Variants in FMNL2 observed in about 807,000 individuals in gnomAD.
FMNL2 encodes the protein formin like 2.
Under a neutral mutation model 130.2 loss-of-function variants are expected in FMNL2, and 51 were observed. The ratio of observed to expected loss-of-function variants is 0.39; its 90% CI spans 0.31 to 0.49. FMNL2 has a LOEUF of 0.49. FMNL2 is among the 20% of genes least tolerant of loss of function. FMNL2 has a pLI of 0.85. For synonymous variants in FMNL2, 465 were observed against 467.1 expected (o/e 1.00, Z 0.06); for missense variants, 977 against 1,316.2 (o/e 0.74, Z 3.99).
chr2:152,386,113 A>G (rs542521359), intron 1 of FMNL2, among the ~76,000 whole-genome samples: 2 of 152,300 alleles, frequency 1.3e-5, no homozygotes, highest in East Asian at 3.9e-4. Context: ...AAGATAGGTT[A>G]GTTTTGGGCA....
chr2:152,534,099 GT>G (rs1693857536), intron 2 of FMNL2, among the ~76,000 whole-genome samples: 1 of 152,184 alleles, frequency 6.6e-6, no homozygotes, highest in Non-Finnish European at 1.5e-5. Context: ...TGGTTCTTAT[GT>G]TTAAATCTGT....
At chr2:152,589,421 T>G (rs1175758338) in intron 9 of FMNL2, among the ~76,000 whole-genome samples, 2 of 152,182 alleles carry the variant, frequency 1.3e-5, no homozygotes, top group Non-Finnish European at 2.9e-5. Context: ...CTTTGCCAAC[T>G]ATAAAAGTTG....
intron 3 of FMNL2, among the ~76,000 whole-genome samples, chr2:152,543,938 G>T (rs1694473385): frequency 6.6e-6 from 1 of 152,064 alleles, no homozygotes; most frequent in South Asian, 2.1e-4. Flanking sequence ...GAACGTACCT[G>T]TCAAAGTATC....
intron 3 of FMNL2, among the ~76,000 whole-genome samples, chr2:152,547,509 A>G (rs1281643362): frequency 6.6e-6 from 1 of 152,090 alleles, no homozygotes; most frequent in Non-Finnish European, 1.5e-5. Flanking sequence ...GAACTGTGAG[A>G]CCATCTGCTT....
intron 1 of FMNL2, among the ~76,000 whole-genome samples, chr2:152,366,371 T>C (rs1355763315): frequency 6.6e-6 from 1 of 151,826 alleles, no homozygotes; most frequent in Non-Finnish European, 1.5e-5. Flanking sequence ...CACAGCAACA[T>C]GGCACATGTA....
chr2:152,627,187 C>T (rs1681850911), intron 17 of FMNL2, among the ~76,000 whole-genome samples: 1 of 152,184 alleles, frequency 6.6e-6, no homozygotes, highest in Non-Finnish European at 1.5e-5. Context: ...TGGAATGATA[C>T]AGTTCAATGC....
At chr2:152,355,884 A>G (rs1297459330) in intron 1 of FMNL2, among the ~76,000 whole-genome samples, 1 of 152,202 alleles carries the variant, frequency 6.6e-6, no homozygotes, top group Non-Finnish European at 1.5e-5. Context: ...CTAGGTTAGA[A>G]TACATACCCA....
chr2:152,386,205 T>C (rs779454810), intron 1 of FMNL2, among the ~76,000 whole-genome samples: 6 of 152,244 alleles, frequency 3.9e-5, no homozygotes, highest in Non-Finnish European at 8.8e-5. Flanking sequence ...GGGGCTATTG[T>C]AGAATGCAAT....
intron 2 of FMNL2, among the ~76,000 whole-genome samples, chr2:152,528,158 A>G (rs1305440831): frequency 6.6e-6 from 1 of 152,212 alleles, no homozygotes; most frequent in East Asian, 1.9e-4. Flanking sequence ...TCATATAAAA[A>G]CTTTCAAAAC....
chr2:152,418,850 A>G (rs1015479295), intron 1 of FMNL2, among the ~76,000 whole-genome samples: 8 of 152,064 alleles, frequency 5.3e-5, no homozygotes, highest in Admixed American at 4.6e-4. Context: ...ATCATATGGT[A>G]ATTCTATGTT....
Position 152,560,417 on chromosome 2 carries a change from A to G in FMNL2, c.444-466A>G, listed in dbSNP as rs114845965. On this transcript the variant is annotated intron_variant, in intron 5 of 25. Transcript: ENST00000288670. The stretch of plus-strand genomic sequence containing the variant: ...AAGCAAATCCATAACTTTGCTAGTA[A>G]TGTATCACATATGCTTGGAAAAGTA... Among the ~76,000 whole-genome samples the G allele has an allele frequency of 8.5e-3, 1,299 of 152,322 alleles. 16 individuals are homozygous for G. Among genetic ancestry groups the G allele is most frequent in the African/African-American group, 0.029 (1,211 of 41,562 alleles).
At chr2:152,539,152 G>T (rs557333061) in intron 2 of FMNL2, 1 of 152,198 alleles carries the variant, frequency 6.6e-6, no homozygotes, top group South Asian at 2.1e-4. Flanking sequence ...GTTGCACTGT[G>T]TAGAAATGTT....
chr2:152,366,294 G>T (rs1438392460), intron 1 of FMNL2, among the ~76,000 whole-genome samples: 4 of 117,076 alleles, frequency 3.4e-5, no homozygotes, highest in Non-Finnish European at 5.3e-5. Context: ...GTTGTGGGGT[G>T]GGGGGAGGGG....
intron 11 of FMNL2, among the ~76,000 whole-genome samples, chr2:152,614,516 G>C (rs143849058): frequency 6.6e-6 from 1 of 152,022 alleles, no homozygotes; most frequent in Non-Finnish European, 1.5e-5. Context: ...AGGCTGAGCC[G>C]GGTGGATCAC....
chr2:152,573,745 C>T (rs1030952437), intron 6 of FMNL2, among the ~76,000 whole-genome samples: 10 of 152,206 alleles, frequency 6.6e-5, no homozygotes, highest in African/African-American at 2.4e-4. Flanking sequence ...AAACCAAATA[C>T]CATACATTTT....
chr2:152,614,184 C>T (rs1405120004), intron 11 of FMNL2, among the ~76,000 whole-genome samples: 2 of 152,230 alleles, frequency 1.3e-5, no homozygotes, highest in African/African-American at 2.4e-5. Context: ...AGATACCCCT[C>T]AGGTTTTATG....
chr2:152,486,379 A>G (rs371624928), intron 1 of FMNL2, among the ~76,000 whole-genome samples: 41 of 152,190 alleles, frequency 2.7e-4, no homozygotes, highest in African/African-American at 9.2e-4. Flanking sequence ...GGGTTGGTTA[A>G]TAGACAACTG....
intron 25 of FMNL2, among the ~76,000 whole-genome samples, chr2:152,646,540 T>C (rs1683582085): frequency 1.3e-5 from 2 of 151,186 alleles, no homozygotes; most frequent in Admixed American, 1.3e-4. Context: ...CCCTGGTCTT[T>C]ATGTTAATTA....
intron 1 of FMNL2, among the ~76,000 whole-genome samples, chr2:152,424,683 C>T (rs1231307996): frequency 6.6e-6 from 1 of 151,990 alleles, no homozygotes; most frequent in African/African-American, 2.4e-5. Context: ...GCCACCACTC[C>T]TAGCCCGGGC....
Sources: gnomAD v4.1 joint callset for allele counts (sites outside exome capture counted in the v4.1 genomes callset) on GRCh38, gnomAD v4.1.1 for gene constraint, MANE v1.5 for transcripts, NCBI Gene and HGNC (gene_info 2026-07-23, HGNC 2026-07-21) for gene names.